TESC: variants seen among roughly 807,000 people sequenced by gnomAD.
TESC encodes the protein calcineurin B homologous protein 3.
A neutral mutation model predicts 31.0 loss-of-function variants in TESC; 19 were observed. The observed-to-expected ratio is 0.61, with a 90% CI of 0.43 to 0.90. The LOEUF is 0.90. TESC is among the 40% of genes least tolerant of loss of function. TESC has a pLI of 0.00. For synonymous variants in TESC, 109 were observed against 114.8 expected, an observed-to-expected ratio of 0.95 and a Z score of 0.32; for missense variants, 248 against 303.8, an observed-to-expected ratio of 0.82 and a Z score of 1.36.
At chr12:117,077,750 C>T (rs1012877371) in intron 1 of TESC, among the ~76,000 whole-genome samples, 6 of 152,042 alleles carry the variant, frequency 3.9e-5, no homozygotes, top group African/African-American at 1.4e-4. Context: ...TCATAGATGA[C>T]GCTAATATTG....
chr12:117,078,390 C>T (rs561111518), intron 1 of TESC, among the ~76,000 whole-genome samples: 7 of 152,072 alleles, frequency 4.6e-5, no homozygotes, highest in Non-Finnish European at 1.0e-4. Context: ...CGCTTGAGCC[C>T]GGGAGGCGGA....
At chr12:117,042,398 G>A (rs1954497330) in intron 6 of TESC, among the ~76,000 whole-genome samples, 1 of 152,166 alleles carries the variant, frequency 6.6e-6, no homozygotes, top group Non-Finnish European at 1.5e-5. Context: ...CCACCAAGAT[G>A]CCTCCTGTAC....
At chr12:117,050,161 T>C (rs1411800430) in intron 3 of TESC, among the ~76,000 whole-genome samples, 1 of 152,008 alleles carries the variant, frequency 6.6e-6, no homozygotes, top group Non-Finnish European at 1.5e-5. Context: ...AGTCGAATAG[T>C]ATTTCATGAC....
intron 2 of TESC, among the ~76,000 whole-genome samples, chr12:117,073,933 C>A (rs1017591214): frequency 6.6e-6 from 1 of 150,844 alleles, no homozygotes; most frequent in Non-Finnish European, 1.5e-5. Flanking sequence ...AAATACAAAA[C>A]AATTAACAGG....
At chr12:117,056,960 T>C (rs1007506207) in intron 2 of TESC, 74 bp from the exon 3 acceptor site, 16 of 1,466,520 alleles carry the variant, frequency 1.1e-5, no homozygotes, top group Non-Finnish European at 1.5e-5. Context: ...ATTTTCATCC[T>C]GTATCAAGCT....
chr12:117,061,073 C>A (rs1295859202), intron 2 of TESC, among the ~76,000 whole-genome samples: 1 of 152,208 alleles, frequency 6.6e-6, no homozygotes, highest in Non-Finnish European at 1.5e-5. Context: ...CCTCACCCAG[C>A]CTCTGTCTAC....
At position 117,057,036 on chromosome 12, in the gene TESC, G is replaced by A. The variant is rs575482602; in HGVS notation, c.129-150C>T. ...GAGTTAGGAGACAGAACTGGAATACGCTTCACTTATCTGCCCCTTCCTCTA... is the reference window on the plus strand; with the variant it reads ...GAGTTAGGAGACAGAACTGGAATACACTTCACTTATCTGCCCCTTCCTCTA... On this transcript the variant is annotated intron_variant, in intron 2 of 7. Transcript: ENST00000335209. 28 of 734,352 alleles carry A rather than the reference G, an allele frequency of 3.8e-5. 1 individual carries two copies. The highest frequency in any genetic ancestry group is 1.6e-4 in the South Asian group (10 of 61,524). The allele number at this position is 734,352 out of a possible 1,614,324, so 45.5% of individuals were successfully genotyped here.
intron 3 of TESC, among the ~76,000 whole-genome samples, chr12:117,055,419 A>C (rs1363427677): frequency 3.3e-5 from 5 of 152,096 alleles, no homozygotes; most frequent in Non-Finnish European, 5.9e-5. Flanking sequence ...CTGGGATTAC[A>C]GTTGTGAGCC....
intron 1 of TESC, among the ~76,000 whole-genome samples, chr12:117,091,948 G>A (rs1436941039): frequency 2.0e-5 from 3 of 152,156 alleles, no homozygotes; most frequent in African/African-American, 7.2e-5. Flanking sequence ...CTCGGCATGC[G>A]GGAGAGGCGG....
At chr12:117,050,587 C>T (rs761865892) in intron 3 of TESC, among the ~76,000 whole-genome samples, 1 of 152,214 alleles carries the variant, frequency 6.6e-6, no homozygotes, top group Non-Finnish European at 1.5e-5. Context: ...CTGCCTGACA[C>T]CCAGATGAGG....
intron 6 of TESC, among the ~76,000 whole-genome samples, chr12:117,045,114 C>T (rs1406477045): frequency 6.6e-6 from 1 of 152,138 alleles, no homozygotes; most frequent in Non-Finnish European, 1.5e-5. Context: ...TTTATCTGGC[C>T]GAGGTTTACA....
Position 117,080,501 on chromosome 12 carries a change from T to C in TESC, c.59-5161A>G, listed in dbSNP as rs2135791620. On this transcript the variant is annotated intron_variant, in intron 1 of 7. Coordinates refer to ENST00000335209, the MANE Select transcript of TESC (RefSeq NM_017899.4). ...TGCAAATTCACATACACATACTCCCTCTGTCCTGCCTGATTGAAAGCAAAG... is the reference window on the plus strand; with the variant it reads ...TGCAAATTCACATACACATACTCCCCCTGTCCTGCCTGATTGAAAGCAAAG... Among the ~76,000 whole-genome samples the C allele has an allele frequency of 1.3e-5, 2 of 152,272 alleles. 1 individual carries two copies. The highest frequency in any genetic ancestry group is 4.1e-4 in the South Asian group (2 of 4,830).
intron 2 of TESC, among the ~76,000 whole-genome samples, chr12:117,072,104 A>G (rs1954982280): frequency 6.6e-6 from 1 of 152,172 alleles, no homozygotes; most frequent in African/African-American, 2.4e-5. Flanking sequence ...CTAGAACCTA[A>G]AAGTGGGAGG....
chr12:117,088,156 G>A (rs1363046543), intron 1 of TESC, among the ~76,000 whole-genome samples: 1 of 152,052 alleles, frequency 6.6e-6, no homozygotes, highest in Non-Finnish European at 1.5e-5. Context: ...AGGAGGGATG[G>A]AACAATAAAT....
intron 3 of TESC, 114 bp from the exon 4 acceptor site, chr12:117,049,272 G>A (rs1053352794): frequency 6.9e-7 from 1 of 1,446,536 alleles, no homozygotes; most frequent in Admixed American, 1.8e-5. Context: ...ACCCACGATG[G>A]CTGCTCTCGC....
chr12:117,071,267 T>C lies in TESC; in HGVS notation c.128+4004A>G, dbSNP rs184657237. On this transcript the variant is annotated intron_variant, in intron 2 of 7. Coordinates refer to ENST00000335209, the MANE Select transcript of TESC (RefSeq NM_017899.4). Reference sequence around the variant, plus strand: ...CCTTCACTTGTTCATTTGAGCACTCTCACAGCACCTACTGTGTTACAGGCC... The same window carrying C: ...CCTTCACTTGTTCATTTGAGCACTCCCACAGCACCTACTGTGTTACAGGCC... Among the ~76,000 whole-genome samples, 3 of 152,338 alleles carry C rather than the reference T, an allele frequency of 2.0e-5. 1 individual carries two copies. The highest frequency in any genetic ancestry group is 2.0e-4 in the Admixed American group (3 of 15,300).
rs1223965881 is a variant in TESC at position 117,046,610 on chromosome 12, GGAGC to G, written c.464_467del (p.Arg155ProfsTer7). 1 of 1,551,494 alleles carries G rather than the reference GGAGC, an allele frequency of 6.4e-7. No individual in the cohort carries two copies. On this transcript the variant is annotated frameshift_variant, in exon 6 of 8. Transcript: ENST00000335209. LOFTEE classifies it high-confidence loss of function. ...CCTCCATCATGGCCCCGTCGGCGAT[GGAGC>G]GAGCGGACTCCTTCTCGATGTGAGG...
chr12:117,097,559 T>C (rs1955412100), intron 1 of TESC, among the ~76,000 whole-genome samples: 1 of 152,100 alleles, frequency 6.6e-6, no homozygotes, highest in African/African-American at 2.4e-5. Context: ...ACATGAGAAA[T>C]AATAAAAGCA....
At chr12:117,066,358 C>T (rs2135774171) in intron 2 of TESC, among the ~76,000 whole-genome samples, 1 of 149,698 alleles carries the variant, frequency 6.7e-6, no homozygotes, top group East Asian at 2.0e-4. Context: ...AGGCACCCGC[C>T]ACCATGAATG....
Sources: allele counts gnomAD v4.1 joint callset (sites outside exome capture counted in the v4.1 genomes callset), GRCh38; gene constraint gnomAD v4.1.1; transcripts MANE v1.5; gene names NCBI Gene and HGNC (gene_info 2026-07-23, HGNC 2026-07-21).